Variants in DIP2C observed in about 807,000 individuals in gnomAD.
DIP2C encodes DIP2 acetate--CoA ligase C (putative).
In DIP2C, 33 loss-of-function variants were observed where a neutral mutation model predicts 192.4. The observed-to-expected ratio is 0.17, with a 90% CI of 0.13 to 0.23. The LOEUF (loss-of-function observed/expected upper bound fraction) is 0.23. DIP2C is among the 10% of genes least tolerant of loss of function. The pLI, the probability that DIP2C is intolerant of heterozygous loss-of-function variation, is 1.00. For synonymous variants in DIP2C, 979 were observed against 864.1 expected, an observed-to-expected ratio of 1.13 and a Z score of -2.33; for missense variants, 1,537 against 2,110.1, an observed-to-expected ratio of 0.73 and a Z score of 5.32.
At chr10:587,381 G>A (rs1851126366) in intron 1 of DIP2C, among the ~76,000 whole-genome samples, 1 of 152,226 alleles carries the variant, frequency 6.6e-6, no homozygotes, top group Non-Finnish European at 1.5e-5. Flanking sequence ...TGGGATGACG[G>A]GATCACACAC....
At chr10:359,368 G>A (rs1959203344) in intron 22 of DIP2C, among the ~76,000 whole-genome samples, 1 of 152,204 alleles carries the variant, frequency 6.6e-6, no homozygotes, top group African/African-American at 2.4e-5. Context: ...CTTCAGCCAG[G>A]ATTGAAATCT....
chr10:490,866 T>G (rs1844387351), intron 1 of DIP2C, among the ~76,000 whole-genome samples: 1 of 152,208 alleles, frequency 6.6e-6, no homozygotes, highest in Middle Eastern at 3.2e-3. Context: ...AGTCCTACTT[T>G]GGAAGTGAAA....
chr10:598,244 G>A (rs971773194), intron 1 of DIP2C, among the ~76,000 whole-genome samples: 3 of 150,746 alleles, frequency 2.0e-5, no homozygotes, highest in African/African-American at 7.3e-5. Flanking sequence ...CCCACCCCAA[G>A]GGCAGCTCAC....
intron 6 of DIP2C, among the ~76,000 whole-genome samples, chr10:416,914 T>C (rs1965678583): frequency 1.3e-5 from 2 of 152,198 alleles, no homozygotes; most frequent in Non-Finnish European, 1.5e-5. Context: ...GCCCCCGCAC[T>C]GGACCATAAA....
chr10:431,089 C>G (rs1049711988), intron 4 of DIP2C, among the ~76,000 whole-genome samples: 8 of 152,200 alleles, frequency 5.3e-5, no homozygotes, highest in Admixed American at 2.0e-4. Context: ...TTCACCAATA[C>G]CACACTGTCT....
intron 1 of DIP2C, among the ~76,000 whole-genome samples, chr10:557,040 G>A (rs940472247): frequency 6.6e-6 from 1 of 152,242 alleles, no homozygotes; most frequent in Non-Finnish European, 1.5e-5. Context: ...ACACGGCTGT[G>A]TGCTCCCTCC....
At chr10:412,372 T>A (rs1201979603) in intron 8 of DIP2C, among the ~76,000 whole-genome samples, 1 of 152,236 alleles carries the variant, frequency 6.6e-6, no homozygotes, top group Non-Finnish European at 1.5e-5. Context: ...GGCCATCAGC[T>A]GTCATGCAGC....
chr10:306,653 T>G (rs1159539744), intron 32 of DIP2C, among the ~76,000 whole-genome samples: 3 of 152,186 alleles, frequency 2.0e-5, no homozygotes, highest in Admixed American at 2.0e-4. Flanking sequence ...TTTTAGTGGC[T>G]CTCATTTCAC....
Position 573,559 on chromosome 10 carries a change from A to AC in DIP2C, c.86-87030dup, listed in dbSNP as rs575759101. On this transcript the variant is annotated intron_variant, in intron 1 of 36. Coordinates refer to ENST00000280886, the MANE Select transcript of DIP2C (RefSeq NM_014974.3). ...GAGTAGCTGGGACTACAGGTGTGCA[A>AC]CCCTCACACCCAGCTAATTTTTGTG... is the stretch of plus-strand genomic sequence containing the variant. 2.4e-3 allele frequency among the ~76,000 whole-genome samples: 363 copies of AC among 151,962 alleles called. 1 individual carries two copies. Among genetic ancestry groups the AC allele is most frequent in the Non-Finnish European group, 2.5e-3 (170 of 67,922 alleles).
At chr10:593,803 C>T (rs2090038299) in intron 1 of DIP2C, among the ~76,000 whole-genome samples, 1 of 152,140 alleles carries the variant, frequency 6.6e-6, no homozygotes, top group Admixed American at 6.5e-5. Context: ...CAGTAAAGTC[C>T]ACAAGAAAGG....
intron 1 of DIP2C, among the ~76,000 whole-genome samples, chr10:570,235 A>G (rs1046662512): frequency 1.3e-5 from 2 of 152,118 alleles, no homozygotes; most frequent in Non-Finnish European, 2.9e-5. Flanking sequence ...GGAAGACACT[A>G]TGTAGATCAT....
intron 1 of DIP2C, among the ~76,000 whole-genome samples, chr10:570,234 T>C (rs1010860248): frequency 2.6e-5 from 4 of 152,162 alleles, no homozygotes; most frequent in African/African-American, 9.7e-5. Context: ...AGGAAGACAC[T>C]ATGTAGATCA....
At chr10:514,530 C>T (rs1273987193) in intron 1 of DIP2C, among the ~76,000 whole-genome samples, 2 of 152,184 alleles carry the variant, frequency 1.3e-5, no homozygotes, top group African/African-American at 2.4e-5. Context: ...TGTCTGTGGG[C>T]CTCACCGCAT....
intron 28 of DIP2C, among the ~76,000 whole-genome samples, chr10:343,300 C>A (rs1958252004): frequency 6.6e-6 from 1 of 152,130 alleles, no homozygotes; most frequent in Non-Finnish European, 1.5e-5. Flanking sequence ...AACAAAAAAA[C>A]ATGTCACAAG....
intron 29 of DIP2C, among the ~76,000 whole-genome samples, chr10:339,055 C>CT (rs1298142406): frequency 6.6e-6 from 1 of 152,114 alleles, no homozygotes; most frequent in Non-Finnish European, 1.5e-5. Flanking sequence ...CCAAGACACA[C>CT]TCCCCACCCT....
intron 1 of DIP2C, among the ~76,000 whole-genome samples, chr10:574,708 C>A (rs371250283): frequency 3.3e-5 from 5 of 152,210 alleles, no homozygotes; most frequent in African/African-American, 1.2e-4. Flanking sequence ...AGGTGTTTAT[C>A]CAGGCCCTCG....
intron 31 of DIP2C, among the ~76,000 whole-genome samples, 178 bp downstream of exon 31, chr10:326,828 G>A (rs1216166755): frequency 6.6e-6 from 1 of 152,158 alleles, no homozygotes; most frequent in Non-Finnish European, 1.5e-5. Context: ...TAATGGATAC[G>A]AACGTAGACT....
At chr10:687,810 A>G (rs766401448) in intron 1 of DIP2C, among the ~76,000 whole-genome samples, 7 of 152,220 alleles carry the variant, frequency 4.6e-5, no homozygotes, top group Non-Finnish European at 1.0e-4. Flanking sequence ...GACTCTGGGA[A>G]CAAATGTGGG....
chr10:311,367 G>C (rs925480018), intron 31 of DIP2C, among the ~76,000 whole-genome samples: 1 of 152,248 alleles, frequency 6.6e-6, no homozygotes. Context: ...TCGGCTACGC[G>C]TGAGGCCTGA....
Sources: allele counts gnomAD v4.1 joint callset (sites outside exome capture counted in the v4.1 genomes callset), GRCh38; gene constraint gnomAD v4.1.1; transcripts MANE v1.5; gene names NCBI Gene and HGNC (gene_info 2026-07-23, HGNC 2026-07-21).